Variants in ABCB11 observed in about 807,000 individuals in gnomAD.
The protein encoded by ABCB11 is ATP binding cassette subfamily B member 11.
Under a neutral mutation model 148.0 loss-of-function variants are expected in ABCB11, and 95 were observed. That is an observed-to-expected ratio of 0.64 (90% confidence interval 0.54 to 0.76). The LOEUF is 0.76. ABCB11 is among the 30% of genes least tolerant of loss of function. ABCB11 has a pLI of 0.00. For missense variants in ABCB11, 1,523 were observed against 1,617.8 expected, an observed-to-expected ratio of 0.94 and a Z score of 1.01; for synonymous variants, 591 against 555.4, an observed-to-expected ratio of 1.06 and a Z score of -0.90.
At chr2:168,977,281 T>C (rs747426888) in intron 11 of ABCB11, among the ~76,000 whole-genome samples, 31 of 152,034 alleles carry the variant, frequency 2.0e-4, no homozygotes, top group Non-Finnish European at 4.3e-4. Flanking sequence ...CCATTTTCAG[T>C]TGAAGAAGTG....
At chr2:169,000,022 A>G (rs994752312) in intron 5 of ABCB11, among the ~76,000 whole-genome samples, 9 of 152,106 alleles carry the variant, frequency 5.9e-5, no homozygotes. Context: ...CCATTCCAAT[A>G]AGTCTATAGT....
At chr2:168,971,235 T>C (rs765714059) in intron 14 of ABCB11, among the ~76,000 whole-genome samples, 7 of 152,026 alleles carry the variant, frequency 4.6e-5, no homozygotes, top group Non-Finnish European at 8.8e-5. Flanking sequence ...AATGAGTTAA[T>C]AGGTGTGAAG....
intron 11 of ABCB11, among the ~76,000 whole-genome samples, chr2:168,977,508 C>T (rs1693960118): frequency 6.6e-6 from 1 of 152,138 alleles, no homozygotes; most frequent in Admixed American, 6.5e-5. Context: ...TCTGGTTAAT[C>T]AGAGAAAAGT....
intron 5 of ABCB11, among the ~76,000 whole-genome samples, chr2:169,012,763 A>G (rs1177169618): frequency 1.5e-5 from 2 of 136,526 alleles, no homozygotes; most frequent in Non-Finnish European, 3.2e-5. Context: ...AAGAAAAAAG[A>G]AAAAAACAAA....
intron 5 of ABCB11, among the ~76,000 whole-genome samples, chr2:169,005,454 A>G (rs1694990524): frequency 6.6e-6 from 1 of 152,088 alleles, no homozygotes; most frequent in African/African-American, 2.4e-5. Context: ...CTGCTAAGTC[A>G]TACAGGTCAC....
In ABCB11 at chr2:168,923,488, G is replaced by T; in HGVS notation, c.*134C>A. 1.2e-6 allele frequency: 1 copy of T among 806,328 alleles called. No individual in the cohort carries two copies. The allele number at this position is 806,328 out of a possible 1,614,324, so 49.9% of individuals were successfully genotyped here. On this transcript the variant is annotated 3_prime_UTR_variant, in exon 28 of 28. Coordinates refer to ENST00000650372, the MANE Select transcript of ABCB11 (RefSeq NM_003742.4). ...TGGATTCCGATGTAGGAAAATGACT[G>T]TAAAAGTAAAATATTAACATTCTTC...
intron 17 of ABCB11, among the ~76,000 whole-genome samples, chr2:168,967,789 T>C (rs1213216671): frequency 6.6e-6 from 1 of 151,956 alleles, no homozygotes; most frequent in African/African-American, 2.4e-5. Flanking sequence ...AGCAGTTTTA[T>C]TGAAACTCTT....
rs1015229079 is a variant in ABCB11 at position 168,922,397 on chromosome 2, G to A, written c.*1225C>T. The stretch of plus-strand genomic sequence containing the variant: ...GAAAGGCAGCCATCCTGCTGCAGGC[G>A]GGGCTCTGCAATTCTGTTTCCATAC... On this transcript the variant is annotated 3_prime_UTR_variant, in exon 28 of 28. Transcript: ENST00000650372. Among the ~76,000 whole-genome samples, 4 of 152,116 alleles carry A rather than the reference G, an allele frequency of 2.6e-5. No individual in the cohort carries two copies. The highest frequency in any genetic ancestry group is 5.9e-5 in the Non-Finnish European group (4 of 68,022).
chr2:169,001,197 T>C (rs1694860390), intron 5 of ABCB11, among the ~76,000 whole-genome samples: 1 of 152,178 alleles, frequency 6.6e-6, no homozygotes, highest in African/African-American at 2.4e-5. Context: ...TATCACAGTG[T>C]TAGAGTTTCT....
At chr2:168,998,649 CG>C (rs1317002604) in intron 5 of ABCB11, among the ~76,000 whole-genome samples, 1 of 151,916 alleles carries the variant, frequency 6.6e-6, no homozygotes, top group East Asian at 1.9e-4. Flanking sequence ...GCACTGTAAG[CG>C]GAAGTGATGA....
At chr2:169,022,431 A>G (rs1167572598) in intron 1 of ABCB11, among the ~76,000 whole-genome samples, 1 of 152,038 alleles carries the variant, frequency 6.6e-6, no homozygotes, top group Non-Finnish European at 1.5e-5. Flanking sequence ...AAGTAATTTC[A>G]TGGTAGTAAA....
chr2:168,932,552 A>G lies in ABCB11; in HGVS notation c.3057-19T>C. ...GATCACCCTGTAACCAGACAGACAC[A>G]CAGGAAGAGAGCAGGGTGGCGTGGT... On this transcript the variant is annotated intron_variant, in intron 23 of 27. Coordinates refer to ENST00000650372, the MANE Select transcript of ABCB11 (RefSeq NM_003742.4). The G allele has an allele frequency of 1.1e-5, 17 of 1,611,748 alleles. No homozygotes were observed. The highest frequency in any genetic ancestry group is 1.4e-5 in the Non-Finnish European group (17 of 1,178,762).
rs1691536136 is a variant in ABCB11 at position 168,930,803 on chromosome 2, AG to A, written c.3272del (p.Pro1091LeufsTer6). 1 of 1,612,950 alleles carries A rather than the reference AG, an allele frequency of 6.2e-7. No individual in the cohort carries two copies. The highest frequency in any genetic ancestry group is 8.5e-7 in the Non-Finnish European group (1 of 1,179,428). ...AGAGACCATTCAGAACTTGCGAGTC[AG>A]GTCGAGAAGGATATGTAAATTTACA... is the stretch of plus-strand genomic sequence containing the variant. ...VDCKFTYPSR[P>X]DSQVLNGLSV... is the part of the protein sequence containing the mutation. On this transcript the variant is annotated frameshift_variant, in exon 25 of 28. Coordinates refer to ENST00000650372, the MANE Select transcript of ABCB11 (RefSeq NM_003742.4). LOFTEE classifies it high-confidence loss of function.
chr2:169,005,113 G>C (rs1247055164), intron 5 of ABCB11, among the ~76,000 whole-genome samples: 1 of 152,042 alleles, frequency 6.6e-6, no homozygotes, highest in African/African-American at 2.4e-5. Context: ...TAGTGTGTTG[G>C]TTTTATGTTG....
chr2:168,971,120 G>A (rs1693561438), intron 14 of ABCB11, among the ~76,000 whole-genome samples: 1 of 151,902 alleles, frequency 6.6e-6, no homozygotes, highest in Admixed American at 6.6e-5. Flanking sequence ...CCATTTACTT[G>A]TTGTATAATC....
chr2:168,928,465 TG>T (rs1165021777), intron 25 of ABCB11, among the ~76,000 whole-genome samples: 1 of 151,778 alleles, frequency 6.6e-6, no homozygotes, highest in Non-Finnish European at 1.5e-5. Flanking sequence ...AAGAGGACTT[TG>T]AAAAAAAAAC....
chr2:168,990,747 G>A, intron 9 of ABCB11, 54 bp downstream of exon 9: 1 of 1,605,002 alleles, frequency 6.2e-7, no homozygotes, highest in Non-Finnish European at 8.5e-7. Flanking sequence ...AGAGACTCAG[G>A]GTACTATGCT....
chr2:168,980,347 G>A (rs894507860), intron 10 of ABCB11, among the ~76,000 whole-genome samples: 1 of 152,028 alleles, frequency 6.6e-6, no homozygotes, highest in Admixed American at 6.6e-5. Flanking sequence ...GTGATTTTCT[G>A]GTTAAAGGGT....
chr2:168,990,723 C>T, intron 9 of ABCB11, 78 bp downstream of exon 9: 1 of 1,585,378 alleles, frequency 6.3e-7, no homozygotes, highest in South Asian at 1.1e-5. Flanking sequence ...GGGTCTGCCG[C>T]TTTGCACAAA....
Sources: gnomAD v4.1 joint callset for allele counts (sites outside exome capture counted in the v4.1 genomes callset) on GRCh38, gnomAD v4.1.1 for gene constraint, MANE v1.5 for transcripts, NCBI Gene and HGNC (gene_info 2026-07-23, HGNC 2026-07-21) for gene names.